The following IL1RAPL1 variants were observed in gnomAD, a reference collection of about 807,000 sequenced individuals.
IL1RAPL1 encodes interleukin 1 receptor accessory protein like 1.
Under a neutral mutation model 48.4 loss-of-function variants are expected in IL1RAPL1, and 3 were observed. The ratio of observed to expected loss-of-function variants is 0.06; its 90% confidence interval spans 0.03 to 0.16. IL1RAPL1 has a LOEUF of 0.16. Ranked by LOEUF, IL1RAPL1 falls within the 10% of genes least tolerant of loss-of-function variation. The pLI is 1.00. For synonymous variants in IL1RAPL1, 185 were observed against 187.7 expected, an observed-to-expected ratio of 0.99 and a Z score of 0.12; for missense variants, 349 against 530.6, an observed-to-expected ratio of 0.66 and a Z score of 3.36.
Position 29,481,630 on chromosome X carries a change from C to G in IL1RAPL1, c.703+82322C>G, listed in dbSNP as rs779409742. Among the ~76,000 whole-genome samples the G allele has an allele frequency of 2.7e-5, 3 of 111,541 alleles. No homozygotes were observed. The East Asian group carries it at 8.4e-4, about 31-fold the overall frequency. On this transcript the variant is annotated intron_variant, in intron 5 of 10. Coordinates refer to ENST00000378993, the MANE Select transcript of IL1RAPL1 (RefSeq NM_014271.4). The stretch of plus-strand genomic sequence containing the variant: ...AGGGATGTGGTGTTATAAAGAGAGT[C>G]CATTTTAACTCTGCCTCACCCCTTT...
chrX:28,821,384 A>G (rs1189179524), intron 2 of IL1RAPL1, among the ~76,000 whole-genome samples: 1 of 110,899 alleles, frequency 9.0e-6, no homozygotes, highest in African/African-American at 3.3e-5. Context: ...GATGTGGACA[A>G]AATTGAGGGT....
chrX:29,285,088 A>G (rs1932260963), intron 3 of IL1RAPL1, among the ~76,000 whole-genome samples: 1 of 112,144 alleles, frequency 8.9e-6, no homozygotes, highest in Non-Finnish European at 1.9e-5. Flanking sequence ...GGATGTCCAT[A>G]GTATAATACT....
At chrX:29,396,739 T>G (rs1216510012) in intron 4 of IL1RAPL1, among the ~76,000 whole-genome samples, 1 of 111,899 alleles carries the variant, frequency 8.9e-6, no homozygotes, top group Non-Finnish European at 1.9e-5. Flanking sequence ...TTTCAGGAAC[T>G]AAATTACCTT....
chrX:29,861,333 C>G lies in IL1RAPL1; in HGVS notation c.779-56131C>G, dbSNP rs955030178. 4.5e-5 allele frequency among the ~76,000 whole-genome samples: 5 copies of G among 111,355 alleles called. No homozygotes were observed. The Admixed American group carries it at 4.8e-4, about 11-fold the overall frequency. On this transcript the variant is annotated intron_variant, in intron 6 of 10. Transcript: ENST00000378993. Reference sequence around the variant, plus strand: ...CCTGAGCTCTACCCCCAGAGAAATGCAATCCAAATCTCTAAGGATAAAACT... The same window carrying G: ...CCTGAGCTCTACCCCCAGAGAAATGGAATCCAAATCTCTAAGGATAAAACT...
intron 5 of IL1RAPL1, among the ~76,000 whole-genome samples, chrX:29,637,364 A>G (rs1454440897): frequency 9.2e-6 from 1 of 108,805 alleles, no homozygotes; most frequent in Non-Finnish European, 1.9e-5. Flanking sequence ...GAATGGAAGA[A>G]TATACCTCCA....
chrX:29,572,770 A>G (rs779707209), intron 5 of IL1RAPL1, among the ~76,000 whole-genome samples: 1 of 112,353 alleles, frequency 8.9e-6, no homozygotes, highest in South Asian at 3.7e-4. Context: ...GAAAATGAAA[A>G]CTATTTCAAA....
At chrX:29,633,490 C>T (rs949918409) in intron 5 of IL1RAPL1, among the ~76,000 whole-genome samples, 1 of 109,562 alleles carries the variant, frequency 9.1e-6, no homozygotes, top group African/African-American at 3.4e-5. Context: ...CACACACACA[C>T]ACACACACAC....
chrX:29,782,967 G>C (rs987815242), intron 6 of IL1RAPL1, among the ~76,000 whole-genome samples: 1 of 92,730 alleles, frequency 1.1e-5, no homozygotes, highest in Non-Finnish European at 2.1e-5. Flanking sequence ...TGCAGTGGCG[G>C]GATCTCGGCT....
In IL1RAPL1 at chrX:29,345,110, A is replaced by T. The variant is rs1602185475; in HGVS notation, c.363-51148A>T. ...TTTAGAATTATCCAAATGTTTCACCATTACAAATAATGCTTCAGTTATAAT... is the reference window on the plus strand; with the variant it reads ...TTTAGAATTATCCAAATGTTTCACCTTTACAAATAATGCTTCAGTTATAAT... On this transcript the variant is annotated intron_variant, in intron 3 of 10. Coordinates refer to ENST00000378993, the MANE Select transcript of IL1RAPL1 (RefSeq NM_014271.4). Among the ~76,000 whole-genome samples, 3 of 112,728 alleles carry T rather than the reference A, an allele frequency of 2.7e-5. No homozygotes were observed. In the Admixed American group the frequency reaches 2.8e-4, roughly 11 times the overall value.
intron 2 of IL1RAPL1, among the ~76,000 whole-genome samples, chrX:29,190,135 C>A (rs1930324075): frequency 1.8e-5 from 2 of 111,567 alleles, no homozygotes; most frequent in South Asian, 7.5e-4. Flanking sequence ...ATAATGTATG[C>A]AAAGTGTGAT....
chrX:29,517,117 T>C (rs1271355354), intron 5 of IL1RAPL1, among the ~76,000 whole-genome samples: 1 of 111,180 alleles, frequency 9.0e-6, no homozygotes, highest in Non-Finnish European at 1.9e-5. Context: ...TTTAATCACA[T>C]TTATTATCTT....
intron 3 of IL1RAPL1, among the ~76,000 whole-genome samples, chrX:29,318,832 A>G (rs1218793003): frequency 8.9e-6 from 1 of 112,010 alleles, no homozygotes; most frequent in African/African-American, 3.2e-5. Context: ...ACTTTCAAAG[A>G]GCCAGTAAAA....
intron 2 of IL1RAPL1, among the ~76,000 whole-genome samples, chrX:29,089,456 A>C (rs1288178628): frequency 9.1e-6 from 1 of 109,575 alleles, no homozygotes; most frequent in African/African-American, 3.3e-5. Flanking sequence ...TGTTAACTGT[A>C]GTCATCATGC....
At chrX:28,670,925 A>G (rs1450612713) in intron 1 of IL1RAPL1, among the ~76,000 whole-genome samples, 1 of 112,202 alleles carries the variant, frequency 8.9e-6, no homozygotes, top group Non-Finnish European at 1.9e-5. Flanking sequence ...AGCACACCTC[A>G]ATGGTCACAA....
intron 2 of IL1RAPL1, among the ~76,000 whole-genome samples, chrX:29,261,786 T>C (rs1931866133): frequency 2.7e-5 from 3 of 111,158 alleles, no homozygotes; most frequent in Admixed American, 9.7e-5. Flanking sequence ...CAGGGGTCAA[T>C]TTTAATGTTC....
intron 5 of IL1RAPL1, among the ~76,000 whole-genome samples, chrX:29,484,774 TA>T (rs1257014025): frequency 2.7e-5 from 3 of 111,878 alleles, no homozygotes; most frequent in African/African-American, 9.8e-5. Flanking sequence ...GCTTCCTTTT[TA>T]GTGGGGAAGA....
chrX:29,627,272 A>C (rs922248887), intron 5 of IL1RAPL1, among the ~76,000 whole-genome samples: 1 of 112,391 alleles, frequency 8.9e-6, no homozygotes, highest in African/African-American at 3.2e-5. Context: ...CCCTATGGCA[A>C]ATGCAAACAA....
intron 5 of IL1RAPL1, among the ~76,000 whole-genome samples, chrX:29,454,074 A>G (rs767922131): frequency 8.9e-6 from 1 of 112,301 alleles, no homozygotes; most frequent in East Asian, 2.8e-4. Context: ...GACTATCCCA[A>G]ATGCTCAGCG....
rs1383244529 is a variant in IL1RAPL1 at position 29,333,267 on chromosome X, C to T, written c.362+50050C>T. ...TCACCTCCCGGATGGGGCAGCTGGC[C>T]GGGCGGGGGGCTGACCCCCCCCACC... is the stretch of plus-strand genomic sequence containing the variant. On this transcript the variant is annotated intron_variant, in intron 3 of 10. Coordinates refer to ENST00000378993, the MANE Select transcript of IL1RAPL1 (RefSeq NM_014271.4). 4.6e-5 allele frequency among the ~76,000 whole-genome samples: 5 copies of T among 108,742 alleles called. No homozygotes were observed. The East Asian group carries it at 8.8e-4, about 19-fold the overall frequency. 94.4% of individuals were successfully genotyped at this position (108,742 alleles called of 115,157 possible). A position where few individuals can be genotyped will look rare whatever the true frequency, so the allele number is the denominator to read the frequency against.
Sources: allele counts gnomAD v4.1 joint callset (sites outside exome capture counted in the v4.1 genomes callset), GRCh38; gene constraint gnomAD v4.1.1; transcripts MANE v1.5; gene names NCBI Gene and HGNC (gene_info 2026-07-23, HGNC 2026-07-21).